The following ANKRD30A variants were observed in gnomAD, a reference collection of about 807,000 sequenced individuals.
The protein encoded by ANKRD30A is ankyrin repeat domain-containing protein 30A.
ANKRD30A carries 170 observed loss-of-function variants against 166.3 expected under a neutral mutation model. The observed-to-expected ratio is 1.02, with a 90% CI of 0.90 to 1.16. The LOEUF (loss-of-function observed/expected upper bound fraction) is 1.16. Ranked by LOEUF, ANKRD30A falls within the 50% of genes most tolerant of loss-of-function variation. The probability of loss-of-function intolerance (pLI) is 0.00; values close to 1 mark genes in which losing one functional copy is unlikely to be tolerated. For synonymous variants in ANKRD30A, 564 were observed against 508.9 expected (o/e 1.11, Z -1.46); for missense variants, 1,630 against 1,518.0 (o/e 1.07, Z -1.23).
intron 7 of ANKRD30A, 144 bp downstream of exon 7, chr10:37,142,434 A>C: frequency 1.4e-6 from 1 of 721,982 alleles, no homozygotes; most frequent in Non-Finnish European, 2.2e-6. Flanking sequence ...TATAGGAATA[A>C]GTAGCTCTTA....
intron 15 of ANKRD30A, among the ~76,000 whole-genome samples, chr10:37,161,412 T>C (rs1240153928): frequency 6.6e-6 from 1 of 152,166 alleles, no homozygotes; most frequent in African/African-American, 2.4e-5. Context: ...CAGTGTTGTA[T>C]GGGAAGAATT....
intron 8 of ANKRD30A, among the ~76,000 whole-genome samples, chr10:37,147,057 G>A (rs1479999114): frequency 6.6e-6 from 1 of 152,240 alleles, no homozygotes; most frequent in Non-Finnish European, 1.5e-5. Flanking sequence ...GATTTTTGGT[G>A]AGGAAGATAA....
intron 15 of ANKRD30A, 71 bp from the exon 16 acceptor site, chr10:37,162,578 T>C: frequency 6.3e-7 from 1 of 1,581,090 alleles, no homozygotes; most frequent in Non-Finnish European, 8.7e-7. Context: ...TTAAATACTA[T>C]CACGGCATTC....
intron 1 of ANKRD30A, among the ~76,000 whole-genome samples, chr10:37,128,516 A>G (rs1279368668): frequency 1.3e-5 from 2 of 152,004 alleles, no homozygotes; most frequent in Non-Finnish European, 2.9e-5. Flanking sequence ...ATATACGTCA[A>G]TAACTACAGA....
Position 37,162,801 on chromosome 10 carries a change from T to C in ANKRD30A, c.1955T>C (p.Val652Ala). 6.2e-7 allele frequency: 1 copy of C among 1,613,738 alleles called. No homozygotes were observed. The highest frequency in any genetic ancestry group is 8.5e-7 in the Non-Finnish European group (1 of 1,179,788). Residue 652 changes from valine to alanine, a missense_variant, in exon 17 of 36, where the codon GTC becomes GCC. Physicochemically the swap from Val to Ala is moderately conservative, Grantham distance 64 (BLOSUM62 0). Coordinates refer to ENST00000361713, the MANE Select transcript of ANKRD30A (RefSeq NM_052997.3). Reference protein sequence around the residue: ...FEPATEMQKSVPNKALELKNE... With the variant: ...FEPATEMQKSAPNKALELKNE... ...CCTGCCACTGAAATGCAAAAGTCTG[T>C]CCCAAATAAAGCCTTGGAATTGAAA...
chr10:37,132,046 G>A (rs1178142697), intron 3 of ANKRD30A, among the ~76,000 whole-genome samples, 194 bp from the exon 4 acceptor site: 2 of 152,120 alleles, frequency 1.3e-5, no homozygotes, highest in Non-Finnish European at 2.9e-5. Context: ...AGAGTTATGT[G>A]GTGATGCAGA....
In ANKRD30A at chr10:37,142,205, T is replaced by C. The variant is rs375324882; in HGVS notation, c.1308T>C (p.Ser436=). The change falls in exon 7 of 36, where the codon TCT becomes TCC. Residue 436 remains serine (S), a synonymous_variant. Transcript: ENST00000361713. ...VKTGCVARVT[S]NKTKVLEKGR... is the part of the protein sequence containing the mutation. ...CTGGATGCGTGGCAAGAGTAACATC[T>C]AATAAAACTAAAGTTTTGGAAAAAG... The C allele has an allele frequency of 2.5e-6, 4 of 1,611,678 alleles. No homozygotes were observed. The highest frequency in any genetic ancestry group is 3.4e-6 in the Non-Finnish European group (4 of 1,179,506).
intron 25 of ANKRD30A, among the ~76,000 whole-genome samples, chr10:37,190,633 A>G (rs1228982878): frequency 6.6e-6 from 1 of 151,790 alleles, no homozygotes; most frequent in African/African-American, 2.4e-5. Context: ...GAATCCAGCT[A>G]GATGATTTTG....
chr10:37,136,831 G>GTGTATATATA (rs67891035), intron 6 of ANKRD30A, among the ~76,000 whole-genome samples, 160 bp downstream of exon 6: 186 of 141,966 alleles, frequency 1.3e-3, no homozygotes, highest in Admixed American at 2.2e-3. Flanking sequence ...GTGTGTGTGT[G>GTGTATATATA]TATATATATA....
Position 37,141,802 on chromosome 10 carries a change from C to T in ANKRD30A, c.905C>T (p.Thr302Ile), listed in dbSNP as rs1837144594. Residue 302 changes from threonine to isoleucine, a missense_variant, in exon 7 of 36, where the codon ACA (threonine) becomes ATA (isoleucine). Physicochemically the swap from Thr to Ile is moderately conservative, Grantham distance 89. Transcript: ENST00000361713. ...ACAGCTGAAAGCTTGGTGGAAAAAA[C>T]ACCTGATGAGGCTGCACCCTTGGTG... Reference protein sequence around the residue: ...PDTAESLVEKTPDEAAPLVER... With the variant: ...PDTAESLVEKIPDEAAPLVER... 3.1e-6 allele frequency: 5 copies of T among 1,612,766 alleles called. No individual in the cohort carries two copies. The highest frequency in any genetic ancestry group is 1.3e-5 in the African/African-American group (1 of 74,774).
the ANKRD30A span, among the ~76,000 whole-genome samples, chr10:37,247,556 G>A: frequency 6.6e-5 from 10 of 151,818 alleles, no homozygotes; most frequent in Non-Finnish European, 1.5e-4. Flanking sequence ...AGGGCAGAGG[G>A]TGGGAGGAAG....
At chr10:37,213,290 C>T (rs1303926553) in intron 31 of ANKRD30A, among the ~76,000 whole-genome samples, 2 of 151,762 alleles carry the variant, frequency 1.3e-5, no homozygotes, top group African/African-American at 2.4e-5. Flanking sequence ...CATGATTCAT[C>T]GATGCACTGT....
intron 3 of ANKRD30A, among the ~76,000 whole-genome samples, chr10:37,131,230 A>C (rs1836362260): frequency 6.6e-6 from 1 of 152,114 alleles, no homozygotes; most frequent in African/African-American, 2.4e-5. Context: ...ATGCTAATGC[A>C]TATAGATGAG....
rs555218499 is a variant in ANKRD30A, at chr10:37,137,415, G to A, written c.820+744G>A. ...TGCAGCGCACTGAGCATGAGCCGAA[G>A]CAGGGCGAGGCATTGCCTCACCTGG... On this transcript the variant is annotated intron_variant, in intron 6 of 35. Coordinates refer to ENST00000361713, the MANE Select transcript of ANKRD30A (RefSeq NM_052997.3). Among the ~76,000 whole-genome samples the A allele has an allele frequency of 6.7e-4, 102 of 152,316 alleles. 1 individual carries two copies. Among genetic ancestry groups the A allele is most frequent in the Non-Finnish European group, 9.0e-4 (61 of 68,032 alleles).
chr10:37,254,925 G>T, the ANKRD30A span, among the ~76,000 whole-genome samples: 2 of 151,938 alleles, frequency 1.3e-5, no homozygotes, highest in Non-Finnish European at 2.9e-5. Context: ...CTCGTGATCT[G>T]CCCACCTCAG....
intron 34 of ANKRD30A, 106 bp downstream of exon 34, chr10:37,220,003 AT>A: frequency 1.4e-5 from 2 of 145,476 alleles, no homozygotes; most frequent in Non-Finnish European, 2.8e-5. Context: ...ATATATATAT[AT>A]ATATATATAT....
At chr10:37,208,585 T>G (rs1842114398) in intron 31 of ANKRD30A, among the ~76,000 whole-genome samples, 1 of 152,100 alleles carries the variant, frequency 6.6e-6, no homozygotes, top group Non-Finnish European at 1.5e-5. Context: ...ACTTTCTCAT[T>G]TCTGCAGCAA....
intron 15 of ANKRD30A, among the ~76,000 whole-genome samples, chr10:37,159,287 C>T (rs567518436): frequency 1.3e-5 from 2 of 152,038 alleles, no homozygotes; most frequent in African/African-American, 2.4e-5. Context: ...GAGACAAAGG[C>T]GGGCAGATAA....
At chr10:37,201,581 A>G (rs998465144) in intron 31 of ANKRD30A, among the ~76,000 whole-genome samples, 2 of 152,096 alleles carry the variant, frequency 1.3e-5, no homozygotes, top group Admixed American at 1.3e-4. Context: ...AAAATAAGAA[A>G]GAAGAAAGTA....
Sources: gnomAD v4.1 joint callset for allele counts (sites outside exome capture counted in the v4.1 genomes callset) on GRCh38, gnomAD v4.1.1 for gene constraint, MANE v1.5 for transcripts, NCBI Gene and HGNC (gene_info 2026-07-23, HGNC 2026-07-21) for gene names.